Variants in PRKCE observed in about 807,000 individuals in gnomAD.
PRKCE encodes protein kinase C epsilon type.
A neutral mutation model predicts 85.4 loss-of-function variants in PRKCE; 16 were observed. That is an observed-to-expected ratio of 0.19 (90% CI 0.13 to 0.28). The LOEUF (loss-of-function observed/expected upper bound fraction) is 0.28, where lower values mean the gene tolerates loss of function less well. Ranked by LOEUF, PRKCE falls within the 10% of genes least tolerant of loss-of-function variation. PRKCE has a pLI of 1.00. For synonymous variants in PRKCE, 388 were observed against 371.5 expected, an observed-to-expected ratio of 1.04 and a Z score of -0.51; for missense variants, 573 against 975.2, an observed-to-expected ratio of 0.59 and a Z score of 5.49.
Position 45,677,358 on chromosome 2 carries a change from T to G in PRKCE, c.348+24910T>G, listed in dbSNP as rs568259443. On this transcript the variant is annotated intron_variant, in intron 1 of 14. Coordinates refer to ENST00000306156, the MANE Select transcript of PRKCE (RefSeq NM_005400.3). ...TTTTTTTTTTGTTGTTGTTGTTTTT[T>G]TTTTTTTTTGAGACGGAGTCTCGCT... Among the ~76,000 whole-genome samples the G allele has an allele frequency of 1.3e-3, 193 of 149,328 alleles. 1 individual carries two copies. The highest frequency in any genetic ancestry group is 6.8e-3 in the Middle Eastern group (2 of 294).
At chr2:46,099,654 C>T (rs1017530104) in intron 11 of PRKCE, among the ~76,000 whole-genome samples, 2 of 152,158 alleles carry the variant, frequency 1.3e-5, no homozygotes, top group Non-Finnish European at 2.9e-5. Flanking sequence ...TCTTATACTG[C>T]ATTGCAACTA....
At chr2:45,831,383 C>T (rs917888533) in intron 1 of PRKCE, among the ~76,000 whole-genome samples, 1 of 152,096 alleles carries the variant, frequency 6.6e-6, no homozygotes, top group Non-Finnish European at 1.5e-5. Flanking sequence ...AGAGTAAAGA[C>T]AAAAATTTCA....
intron 11 of PRKCE, among the ~76,000 whole-genome samples, chr2:46,100,958 T>A (rs1671161429): frequency 6.6e-6 from 1 of 152,130 alleles, no homozygotes; most frequent in South Asian, 2.1e-4. Flanking sequence ...AACCTCCGCC[T>A]CCCAGGTTCA....
At chr2:45,710,378 T>C (rs1480711605) in intron 1 of PRKCE, among the ~76,000 whole-genome samples, 1 of 152,230 alleles carries the variant, frequency 6.6e-6, no homozygotes, top group Non-Finnish European at 1.5e-5. Flanking sequence ...CACAGCCTCT[T>C]GTAAGTACTC....
At chr2:45,717,911 T>G (rs1680278760) in intron 1 of PRKCE, among the ~76,000 whole-genome samples, 1 of 152,242 alleles carries the variant, frequency 6.6e-6, no homozygotes, top group African/African-American at 2.4e-5. Context: ...AGCCCCATAT[T>G]GTACCTCTTG....
chr2:45,677,523 A>ATT (rs1163124222), intron 1 of PRKCE, among the ~76,000 whole-genome samples: 3 of 151,816 alleles, frequency 2.0e-5, no homozygotes, highest in Non-Finnish European at 4.4e-5. Flanking sequence ...CGCCCGGCTA[A>ATT]TTTTTTGTAT....
chr2:46,028,242 G>A (rs1007665793), intron 10 of PRKCE, among the ~76,000 whole-genome samples: 11 of 152,294 alleles, frequency 7.2e-5, no homozygotes, highest in East Asian at 1.9e-4. Context: ...GCGTCCGGCC[G>A]AAGGTTGGGA....
At chr2:46,160,778 A>C (rs1677678462) in intron 14 of PRKCE, among the ~76,000 whole-genome samples, 1 of 152,128 alleles carries the variant, frequency 6.6e-6, no homozygotes, top group Non-Finnish European at 1.5e-5. Flanking sequence ...TCAGAGAGGA[A>C]TTCCGTTCTA....
chr2:45,656,939 A>G (rs1217258514), intron 1 of PRKCE, among the ~76,000 whole-genome samples: 2 of 152,248 alleles, frequency 1.3e-5, no homozygotes, highest in African/African-American at 4.8e-5. Flanking sequence ...AACTAGAAGT[A>G]TTGGGATTCA....
rs142595590 is a variant in PRKCE, at chr2:45,955,797, T to TA, written c.413-20622dup. Reference sequence around the variant, plus strand: ...GTGTGCCCTAGTTTTTCCCTCTATTTAAAAAAAAAACAAAGTGTCATTTAC... The same window carrying TA: ...GTGTGCCCTAGTTTTTCCCTCTATTTAAAAAAAAAAACAAAGTGTCATTTAC... On this transcript the variant is annotated intron_variant, in intron 2 of 14. Transcript: ENST00000306156. Among the ~76,000 whole-genome samples the TA allele has an allele frequency of 1.3e-3, 202 of 149,748 alleles. 1 individual carries two copies. Among genetic ancestry groups the TA allele is most frequent in the East Asian group, 4.5e-3 (23 of 5,122 alleles).
At chr2:45,736,306 T>G (rs1682054360) in intron 1 of PRKCE, among the ~76,000 whole-genome samples, 1 of 152,160 alleles carries the variant, frequency 6.6e-6, no homozygotes, top group Non-Finnish European at 1.5e-5. Flanking sequence ...AAACTGAGGC[T>G]GTGAGAGATT....
chr2:45,668,297 G>A (rs115725285), intron 1 of PRKCE, among the ~76,000 whole-genome samples: 2,055 of 152,234 alleles, frequency 0.013, 45 homozygotes, highest in African/African-American at 0.046. Context: ...CTGAGATGGC[G>A]CCAATGCACT....
At chr2:45,975,471 C>T (rs1022417853) in intron 2 of PRKCE, among the ~76,000 whole-genome samples, 1 of 152,170 alleles carries the variant, frequency 6.6e-6, no homozygotes, top group Admixed American at 6.5e-5. Context: ...AGCTCACTCA[C>T]TCAGGTCTCT....
chr2:46,087,762 G>A (rs912770134), intron 11 of PRKCE, among the ~76,000 whole-genome samples: 1 of 152,242 alleles, frequency 6.6e-6, no homozygotes, highest in African/African-American at 2.4e-5. Flanking sequence ...ACGAAGCTGT[G>A]ATTGAGGAAT....
chr2:45,684,953 G>C (rs1405961866), intron 1 of PRKCE, among the ~76,000 whole-genome samples: 1 of 152,200 alleles, frequency 6.6e-6, no homozygotes, highest in Non-Finnish European at 1.5e-5. Context: ...GATCCAGAGG[G>C]AGAAACGACA....
At chr2:45,826,990 T>A (rs1161070016) in intron 1 of PRKCE, among the ~76,000 whole-genome samples, 1 of 152,254 alleles carries the variant, frequency 6.6e-6, no homozygotes, top group South Asian at 2.1e-4. Context: ...TTATTCTCCA[T>A]GCAGCCACCT....
Position 45,652,093 on chromosome 2 carries a change from C to T in PRKCE, c.-8C>T. 1 of 1,531,766 alleles carries T rather than the reference C, an allele frequency of 6.5e-7. No homozygotes were observed. Among genetic ancestry groups the T allele is most frequent in the Non-Finnish European group, 8.8e-7 (1 of 1,135,944 alleles). The allele number at this position is 1,531,766 out of a possible 1,614,324, so 94.9% of individuals were successfully genotyped here. ...GAGTGACCCCGGCCCCCACTCCCCG[C>T]CCCGACCATGGTAGTGTTCAATGGC... On this transcript the variant is annotated 5_prime_UTR_variant, in exon 1 of 15. Transcript: ENST00000306156. The surrounding 1 kb of genome is among the most constrained non-coding windows in gnomAD (Gnocchi z 7.7).
At chr2:45,677,793 G>A in intron 1 of PRKCE, 1 of 960,954 alleles carries the variant, frequency 1.0e-6, no homozygotes, top group Non-Finnish European at 1.2e-6. Flanking sequence ...TGGCTTAAAA[G>A]GCAATTGCTT....
At chr2:46,104,221 A>G (rs941445318) in intron 11 of PRKCE, among the ~76,000 whole-genome samples, 2 of 151,086 alleles carry the variant, frequency 1.3e-5, no homozygotes, top group African/African-American at 2.4e-5. Context: ...TAACCTTCTG[A>G]TAATTCTTCT....
Sources: gnomAD v4.1 joint callset for allele counts (sites outside exome capture counted in the v4.1 genomes callset) on GRCh38, gnomAD v4.1.1 for gene constraint, Gnocchi (gnomAD v3.1) non-coding constraint, MANE v1.5 for transcripts, NCBI Gene and HGNC (gene_info 2026-07-23, HGNC 2026-07-21) for gene names.